Variants in SDK1 observed in about 807,000 individuals in gnomAD.
SDK1 encodes sidekick cell adhesion molecule 1.
In SDK1, 157 loss-of-function variants were observed where a neutral mutation model predicts 245.5. The observed-to-expected ratio is 0.64, with a 90% CI of 0.56 to 0.73. The LOEUF is 0.73. Among genes scored for constraint, SDK1 ranks in the 30% least tolerant of loss-of-function variants. SDK1 has a pLI of 0.00. For synonymous variants in SDK1, 1,647 were observed against 1,278.5 expected, an observed-to-expected ratio of 1.29 and a Z score of -6.15; for missense variants, 3,583 against 3,002.3, an observed-to-expected ratio of 1.19 and a Z score of -4.52.
intron 1 of SDK1, among the ~76,000 whole-genome samples, chr7:3,617,691 G>T (rs1781811623): frequency 1.3e-5 from 2 of 152,150 alleles, no homozygotes; most frequent in Admixed American, 6.5e-5. Context: ...CAGAGGATGG[G>T]GGCCCAACTT....
intron 20 of SDK1, among the ~76,000 whole-genome samples, chr7:4,072,902 G>A (rs955272169): frequency 5.9e-5 from 9 of 152,232 alleles, no homozygotes; most frequent in African/African-American, 1.9e-4. Context: ...GGGCGGCTGC[G>A]CCTGCCCGAG....
intron 28 of SDK1, among the ~76,000 whole-genome samples, chr7:4,138,445 T>C (rs1000819831): frequency 3.5e-4 from 53 of 152,250 alleles, no homozygotes; most frequent in African/African-American, 1.2e-3. Flanking sequence ...CTCATATGCG[T>C]AGAAAAATGA....
intron 8 of SDK1, among the ~76,000 whole-genome samples, chr7:3,962,171 A>G (rs190823831): frequency 1.3e-5 from 2 of 152,368 alleles, no homozygotes; most frequent in Middle Eastern, 3.4e-3. Context: ...ATGTGAGGAA[A>G]CAGACAAAGA....
intron 4 of SDK1, among the ~76,000 whole-genome samples, chr7:3,797,140 G>A (rs1251081563): frequency 2.0e-5 from 3 of 151,830 alleles, no homozygotes; most frequent in Non-Finnish European, 4.4e-5. Context: ...ACAAGTACCT[G>A]GGACTACAGA....
chr7:3,783,590 G>A (rs566417168), intron 4 of SDK1, among the ~76,000 whole-genome samples: 2 of 151,992 alleles, frequency 1.3e-5, no homozygotes, highest in African/African-American at 4.8e-5. Flanking sequence ...TATCTAAAAG[G>A]TTATCAAGGG....
At chr7:3,910,802 A>G (rs1052055223) in intron 5 of SDK1, among the ~76,000 whole-genome samples, 1 of 152,164 alleles carries the variant, frequency 6.6e-6, no homozygotes, top group Non-Finnish European at 1.5e-5. Flanking sequence ...ATCCCTCGTG[A>G]TCAATTATCC....
intron 2 of SDK1, among the ~76,000 whole-genome samples, chr7:3,634,584 G>A (rs1188038695): frequency 1.3e-5 from 2 of 152,170 alleles, no homozygotes; most frequent in East Asian, 3.9e-4. Context: ...GGCATATGGT[G>A]CTAAGATTTT....
intron 35 of SDK1, among the ~76,000 whole-genome samples, chr7:4,194,306 A>ATGTATACATATATGTATGCACGTATG (rs1783424468): frequency 1.0e-5 from 1 of 100,198 alleles, no homozygotes; most frequent in African/African-American, 4.0e-5. Context: ...ATGTGTATAC[A>ATGTATACATATATGTATGCACGTATG]TGTATACATA....
intron 21 of SDK1, among the ~76,000 whole-genome samples, chr7:4,078,926 C>A (rs1412729898): frequency 1.3e-5 from 2 of 152,308 alleles, no homozygotes; most frequent in African/African-American, 4.8e-5. Flanking sequence ...TCCAAGAAGC[C>A]TAAGGCTCAA....
rs149895343 is a variant in SDK1 at position 3,551,882 on chromosome 7, T to C, written c.299-67198T>C. Among the ~76,000 whole-genome samples the C allele has an allele frequency of 2.7e-3, 407 of 152,256 alleles. 1 individual carries two copies. Among genetic ancestry groups the C allele is most frequent in the African/African-American group, 9.5e-3 (393 of 41,556 alleles). ...GTTGTTTTTAAGGAACAATTTTCTT[T>C]ACAGAATTATTTAGAATTAGAAATT... On this transcript the variant is annotated intron_variant, in intron 1 of 44. Transcript: ENST00000404826.
chr7:3,979,932 A>G (rs1461388597), intron 13 of SDK1, among the ~76,000 whole-genome samples: 1 of 152,182 alleles, frequency 6.6e-6, no homozygotes, highest in Non-Finnish European at 1.5e-5. Context: ...GTACAGAGAA[A>G]ACCCAATTTA....
intron 1 of SDK1, among the ~76,000 whole-genome samples, chr7:3,376,516 A>G (rs538091755): frequency 1.3e-5 from 2 of 152,336 alleles, no homozygotes; most frequent in South Asian, 2.1e-4. Flanking sequence ...AAATAAATGT[A>G]TGAACAGATA....
chr7:3,612,483 C>T (rs1187856864), intron 1 of SDK1, among the ~76,000 whole-genome samples: 1 of 152,150 alleles, frequency 6.6e-6, no homozygotes. Context: ...GAACTGCCAG[C>T]AGCTGAAATT....
At chr7:3,362,910 C>A (rs185960627) in intron 1 of SDK1, among the ~76,000 whole-genome samples, 1 of 152,104 alleles carries the variant, frequency 6.6e-6, no homozygotes, top group African/African-American at 2.4e-5. Context: ...TTAAAAATAT[C>A]CACTTAATTT....
chr7:4,133,270 C>A (rs1784965747), intron 28 of SDK1, among the ~76,000 whole-genome samples: 1 of 152,180 alleles, frequency 6.6e-6, no homozygotes, highest in Admixed American at 6.5e-5. Context: ...TTTTCCGTTC[C>A]CCAAAGCAAC....
chr7:3,952,634 T>A lies in SDK1; in HGVS notation c.1150+714T>A, dbSNP rs1257665115. On this transcript the variant is annotated intron_variant, in intron 7 of 44. Transcript: ENST00000404826. ...TTATTCTATTAATTATTAATTTAGC[T>A]GTTATTTTTTGACCTAGCAGAAAAT... 2.0e-5 allele frequency among the ~76,000 whole-genome samples: 3 copies of A among 152,060 alleles called. No homozygotes were observed. The East Asian group carries it at 5.8e-4, about 29-fold the overall frequency.
intron 28 of SDK1, among the ~76,000 whole-genome samples, chr7:4,142,855 A>G (rs1779669150): frequency 6.6e-6 from 1 of 152,216 alleles, no homozygotes. Flanking sequence ...GAATGTCTTT[A>G]GACAAAAGGC....
At chr7:3,765,797 AG>A (rs770859845) in intron 4 of SDK1, among the ~76,000 whole-genome samples, 2 of 152,172 alleles carry the variant, frequency 1.3e-5, no homozygotes, top group Non-Finnish European at 2.9e-5. Flanking sequence ...TCTATGTAAA[AG>A]GCTGGCTGTT....
At chr7:3,314,452 C>G (rs1298511163) in intron 1 of SDK1, among the ~76,000 whole-genome samples, 5 of 152,188 alleles carry the variant, frequency 3.3e-5, no homozygotes, top group African/African-American at 7.2e-5. Flanking sequence ...GGGTGAAGCA[C>G]TGTTCAGAGC....
Sources: gnomAD v4.1 joint callset for allele counts (sites outside exome capture counted in the v4.1 genomes callset) on GRCh38, gnomAD v4.1.1 for gene constraint, MANE v1.5 for transcripts, NCBI Gene and HGNC (gene_info 2026-07-23, HGNC 2026-07-21) for gene names.